Variants in ODAD4 observed in about 807,000 individuals in gnomAD.
ODAD4 encodes outer dynein arm-docking complex subunit 4.
A neutral mutation model predicts 51.8 loss-of-function variants in ODAD4; 49 were observed. That is an observed-to-expected ratio of 0.95 (90% confidence interval 0.75 to 1.20). The LOEUF (loss-of-function observed/expected upper bound fraction) is 1.20, where lower values mean the gene tolerates loss of function less well. Among genes scored for constraint, ODAD4 ranks in the 50% most tolerant of loss-of-function variants. The pLI is 0.00. For missense variants in ODAD4, 590 were observed against 586.5 expected, an observed-to-expected ratio of 1.01 and a Z score of -0.06; for synonymous variants, 235 against 221.3, an observed-to-expected ratio of 1.06 and a Z score of -0.55.
In ODAD4 at chr17:41,961,438, G is replaced by A; in HGVS notation, c.1500G>A (p.Val500=). 1 of 736,798 alleles carries A rather than the reference G, an allele frequency of 1.4e-6. No homozygotes were observed. The highest frequency in any genetic ancestry group is 2.5e-6 in the Non-Finnish European group (1 of 395,664). 45.6% of individuals were successfully genotyped at this position (736,798 alleles called of 1,614,324 possible). The change falls in exon 11 of 12, where the codon GTG becomes GTA. Residue 500 remains valine, a synonymous_variant. Coordinates refer to ENST00000377540, the MANE Select transcript of ODAD4 (RefSeq NM_031421.5). The part of the protein sequence containing the change: ...IIRELRKTNY[V]ENLKEKSEGE... The stretch of plus-strand genomic sequence containing the variant: ...GAGAACTGAGGAAAACCAACTACGT[G>A]GAGAATCTCAAAGAAAAAAGCGAGG...
At chr17:41,963,378 A>G (rs1368404727) in intron 11 of ODAD4, among the ~76,000 whole-genome samples, 1 of 152,120 alleles carries the variant, frequency 6.6e-6, no homozygotes, top group Non-Finnish European at 1.5e-5. Context: ...TTAGCAGCGT[A>G]TATCTTTATA....
At chr17:41,941,199 C>G (rs1182157589) in intron 7 of ODAD4, among the ~76,000 whole-genome samples, 1 of 152,222 alleles carries the variant, frequency 6.6e-6, no homozygotes, top group African/African-American at 2.4e-5. Flanking sequence ...CTGACCTGGG[C>G]TTCCTACAGT....
chr17:41,946,558 C>T (rs1431686004), intron 8 of ODAD4, among the ~76,000 whole-genome samples: 2 of 152,370 alleles, frequency 1.3e-5, no homozygotes, highest in Non-Finnish European at 1.5e-5. Context: ...CTCCTGACCT[C>T]AGGTGATTCA....
At chr17:41,939,580 A>G (rs2050478882) in intron 7 of ODAD4, among the ~76,000 whole-genome samples, 1 of 152,228 alleles carries the variant, frequency 6.6e-6, no homozygotes, top group Non-Finnish European at 1.5e-5. Flanking sequence ...TGCAATTGTG[A>G]TAAGTGCCAT....
At chr17:41,954,869 A>T (rs199894575) in intron 9 of ODAD4, among the ~76,000 whole-genome samples, 1 of 150,014 alleles carries the variant, frequency 6.7e-6, no homozygotes, top group African/African-American at 2.4e-5. Flanking sequence ...AAAAAAAAAA[A>T]TTCGTCTTCC....
intron 7 of ODAD4, among the ~76,000 whole-genome samples, chr17:41,944,620 G>A (rs979015902): frequency 1.3e-5 from 2 of 151,550 alleles, no homozygotes; most frequent in African/African-American, 4.9e-5. Flanking sequence ...CGGCAAGCTT[G>A]TCTCTACTAA....
At chr17:41,939,214 A>G in intron 7 of ODAD4, 42 bp downstream of exon 7, 1 of 1,568,496 alleles carries the variant, frequency 6.4e-7, no homozygotes, top group Non-Finnish European at 8.7e-7. Context: ...GCCTACGGAG[A>G]AGGACACCTG....
chr17:41,963,761 A>T (rs1192570325), intron 11 of ODAD4, among the ~76,000 whole-genome samples: 1 of 143,760 alleles, frequency 7.0e-6, no homozygotes, highest in African/African-American at 2.6e-5. Flanking sequence ...TACAGGCATG[A>T]GCCACTGTGC....
At chr17:41,932,701 C>T (rs1403482549) in intron 1 of ODAD4, among the ~76,000 whole-genome samples, 8 of 150,270 alleles carry the variant, frequency 5.3e-5, no homozygotes, top group African/African-American at 1.7e-4. Context: ...TATGCCACCA[C>T]GCCTGGCTAA....
intron 9 of ODAD4, among the ~76,000 whole-genome samples, chr17:41,953,142 C>T (rs559991259): frequency 4.6e-5 from 7 of 151,994 alleles, no homozygotes; most frequent in Non-Finnish European, 8.8e-5. Flanking sequence ...CTCAGTGCAA[C>T]CTCTGCCTTC....
intron 9 of ODAD4, among the ~76,000 whole-genome samples, chr17:41,951,926 A>G (rs1487906778): frequency 2.7e-5 from 4 of 148,926 alleles, no homozygotes; most frequent in African/African-American, 4.9e-5. Context: ...GCCTGGCCAT[A>G]GTGGCTAACA....
chr17:41,935,826 A>C (rs2050418645), intron 3 of ODAD4, 77 bp downstream of exon 3: 4 of 1,540,910 alleles, frequency 2.6e-6, no homozygotes, highest in Admixed American at 1.9e-5. Flanking sequence ...GTTGAGTCAC[A>C]GCAGGTGAGC....
intron 6 of ODAD4, 70 bp downstream of exon 6, chr17:41,938,851 G>GGGCTCAGACACCTGGT: frequency 6.3e-7 from 1 of 1,578,560 alleles, no homozygotes; most frequent in Non-Finnish European, 8.7e-7. Flanking sequence ...GAGCAACCAG[G>GGGCTCAGACACCTGGT]TGTCTGAGCC....
At chr17:41,934,038 CTTT>C (rs782039270) in intron 1 of ODAD4, among the ~76,000 whole-genome samples, 2 of 65,508 alleles carry the variant, frequency 3.1e-5, no homozygotes, top group Non-Finnish European at 5.1e-5. Flanking sequence ...TTCTTTCTTT[CTTT>C]TTTTTTTTTT....
intron 7 of ODAD4, among the ~76,000 whole-genome samples, chr17:41,942,109 T>C (rs921853223): frequency 5.9e-5 from 9 of 152,194 alleles, no homozygotes; most frequent in African/African-American, 2.2e-4. Flanking sequence ...GCTAATTTTG[T>C]GTTTTTAGTA....
intron 5 of ODAD4, 84 bp from the exon 6 acceptor site, chr17:41,938,473 T>C (rs897141451): frequency 1.8e-6 from 2 of 1,130,902 alleles, no homozygotes; most frequent in East Asian, 4.7e-5. Flanking sequence ...CAGAGGGCCC[T>C]GCAGCGGCCA....
chr17:41,941,034 A>G (rs1442517114), intron 7 of ODAD4, among the ~76,000 whole-genome samples: 1 of 152,148 alleles, frequency 6.6e-6, no homozygotes, highest in Admixed American at 6.5e-5. Flanking sequence ...TTTTTGCCAT[A>G]TCGCTCAAGT....
At chr17:41,961,056 G>A (rs1355504731) in intron 10 of ODAD4, among the ~76,000 whole-genome samples, 1 of 152,142 alleles carries the variant, frequency 6.6e-6, no homozygotes, top group Non-Finnish European at 1.5e-5. Context: ...TTGTCTTTTT[G>A]CATTGACTGA....
chr17:41,950,485 T>C (rs1031892659), intron 9 of ODAD4, among the ~76,000 whole-genome samples: 2 of 148,872 alleles, frequency 1.3e-5, no homozygotes, highest in African/African-American at 5.0e-5. Flanking sequence ...TGGGTTCAAA[T>C]GATTCCTGTG....
Sources: allele counts gnomAD v4.1 joint callset (sites outside exome capture counted in the v4.1 genomes callset), GRCh38; gene constraint gnomAD v4.1.1; transcripts MANE v1.5; gene names NCBI Gene and HGNC (gene_info 2026-07-23, HGNC 2026-07-21).